DDR2: variants seen among roughly 807,000 people sequenced by gnomAD.
DDR2 encodes the protein discoidin domain-containing receptor 2.
In DDR2, 27 loss-of-function variants were observed where a neutral mutation model predicts 94.9. That is an observed-to-expected ratio of 0.28 (90% CI 0.21 to 0.39). The LOEUF is 0.39. Among genes scored for constraint, DDR2 ranks in the 10% least tolerant of loss-of-function variants. The pLI is 1.00. For synonymous variants in DDR2, 382 were observed against 377.2 expected (o/e 1.01, Z -0.15); for missense variants, 783 against 1,076.0 (o/e 0.73, Z 3.81).
chr1:162,697,979 C>T (rs1156681023), intron 2 of DDR2, among the ~76,000 whole-genome samples: 1 of 152,046 alleles, frequency 6.6e-6, no homozygotes, highest in East Asian at 1.9e-4. Context: ...CATTTCTAAC[C>T]CTAAAAATCT....
At chr1:162,635,129 C>T (rs942681387) in intron 1 of DDR2, among the ~76,000 whole-genome samples, 8 of 152,184 alleles carry the variant, frequency 5.3e-5, no homozygotes, top group African/African-American at 1.9e-4. Flanking sequence ...TGTCCAAGCA[C>T]AGGACCTTAT....
At chr1:162,703,063 G>A (rs1660502711) in intron 2 of DDR2, among the ~76,000 whole-genome samples, 1 of 152,110 alleles carries the variant, frequency 6.6e-6, no homozygotes. Context: ...ATGTGTAAAG[G>A]AAGAAGACTA....
At chr1:162,713,827 A>G (rs1661035861) in intron 2 of DDR2, among the ~76,000 whole-genome samples, 1 of 152,166 alleles carries the variant, frequency 6.6e-6, no homozygotes, top group Non-Finnish European at 1.5e-5. Context: ...TTGTGTACAC[A>G]CACAAGTCTT....
At chr1:162,682,204 G>C (rs975705149) in intron 2 of DDR2, among the ~76,000 whole-genome samples, 1 of 152,156 alleles carries the variant, frequency 6.6e-6, no homozygotes, top group African/African-American at 2.4e-5. Flanking sequence ...GGACACTGCT[G>C]CTCTGTTTGC....
chr1:162,720,573 T>C (rs1314837383), intron 3 of DDR2, among the ~76,000 whole-genome samples: 1 of 150,870 alleles, frequency 6.6e-6, no homozygotes, highest in Non-Finnish European at 1.5e-5. Flanking sequence ...ATTTGAATAA[T>C]TTCTAGTTTG....
intron 13 of DDR2, 48 bp from the exon 14 acceptor site, chr1:162,773,421 C>T (rs1255921031): frequency 6.2e-7 from 1 of 1,609,798 alleles, no homozygotes; most frequent in Admixed American, 1.7e-5. Flanking sequence ...AGTACTGAGA[C>T]ATCTTCAGGA....
chr1:162,732,006 G>C (rs1419648966), intron 3 of DDR2, among the ~76,000 whole-genome samples: 1 of 152,176 alleles, frequency 6.6e-6, no homozygotes, highest in Non-Finnish European at 1.5e-5. Flanking sequence ...AAGTTTCACT[G>C]TCTTTGTTAA....
At chr1:162,638,107 G>T (rs962569394) in intron 1 of DDR2, among the ~76,000 whole-genome samples, 12 of 152,024 alleles carry the variant, frequency 7.9e-5, no homozygotes, top group Admixed American at 7.2e-4. Context: ...TGCACCCTCT[G>T]CCTCCTGGGT....
chr1:162,737,343 A>G (rs2102073745), intron 3 of DDR2, among the ~76,000 whole-genome samples: 1 of 115,012 alleles, frequency 8.7e-6, no homozygotes, highest in East Asian at 2.5e-4. Context: ...AGAGTGTGAT[A>G]TTCCCCTTCC....
At chr1:162,685,172 T>A (rs144600600) in intron 2 of DDR2, among the ~76,000 whole-genome samples, 86 of 152,288 alleles carry the variant, frequency 5.6e-4, no homozygotes, top group African/African-American at 2.0e-3. Context: ...ATACAAAATA[T>A]ACAATATCTA....
rs1295206643 is a variant in DDR2, at chr1:162,782,052, C to A, written c.*1806C>A. 1 of 152,182 alleles carries A rather than the reference C, an allele frequency of 6.6e-6. No individual in the cohort carries two copies. Among genetic ancestry groups the A allele is most frequent in the Non-Finnish European group, 1.5e-5 (1 of 68,042 alleles). 9.4% of individuals were successfully genotyped at this position (152,182 alleles called of 1,614,324 possible). On this transcript the variant is annotated 3_prime_UTR_variant, in exon 18 of 18. Coordinates refer to ENST00000367921, the MANE Select transcript of DDR2 (RefSeq NM_006182.4). The stretch of plus-strand genomic sequence containing the variant: ...TTCTGATCCTAGCAAATGTCCTTTC[C>A]CCATAGTTGTCCTATGCCTTTGGGC...
rs1050027010 is a variant in DDR2 at position 162,781,742 on chromosome 1, G to C, written c.*1496G>C. The C allele has an allele frequency of 6.6e-6, 1 of 152,170 alleles. No individual in the cohort carries two copies. Among genetic ancestry groups the C allele is most frequent in the African/African-American group, 2.4e-5 (1 of 41,438 alleles). 9.4% of individuals were successfully genotyped at this position (152,170 alleles called of 1,614,324 possible). A position where few individuals can be genotyped will look rare whatever the true frequency, so the allele number is the denominator to read the frequency against. On this transcript the variant is annotated 3_prime_UTR_variant, in exon 18 of 18. Coordinates refer to ENST00000367921, the MANE Select transcript of DDR2 (RefSeq NM_006182.4). ...GTCAAGAAGGAATCTGCTCAGAGCA[G>C]ATTCTGAGTTTTCACACTCCACAAA...
rs1475872326 is a variant in DDR2, at chr1:162,755,158, G to A, written c.420G>A (p.Val140=). The change falls in exon 6 of 18, where the codon GTG becomes GTA. Residue 140 remains valine, a splice_region_variant and synonymous_variant. Transcript: ENST00000367921. ...ISWRNRHGKQ[V]LDGNSNPYDI... ...CTCATTCTCTTCTCTCTCCTCAGGT[G>A]CTGGATGGAAATAGTAACCCCTATG... The A allele has an allele frequency of 1.2e-6, 2 of 1,613,958 alleles. No individual in the cohort carries two copies. Among genetic ancestry groups the A allele is most frequent in the Admixed American group, 3.3e-5 (2 of 59,996 alleles).
At chr1:162,647,955 C>A (rs1204853510) in intron 1 of DDR2, among the ~76,000 whole-genome samples, 3 of 152,172 alleles carry the variant, frequency 2.0e-5, no homozygotes, top group Admixed American at 2.0e-4. Flanking sequence ...TGCCACCCAG[C>A]AGGTCTCAGT....
chr1:162,692,123 G>T (rs1203781277), intron 2 of DDR2, among the ~76,000 whole-genome samples: 2 of 152,182 alleles, frequency 1.3e-5, no homozygotes, highest in Non-Finnish European at 2.9e-5. Flanking sequence ...TTCTGCTCTA[G>T]TGAGTCCAGC....
At position 162,650,500 on chromosome 1, in the gene DDR2, G is replaced by A. The variant is rs142901161; in HGVS notation, c.-191-4711G>A. 4.7e-3 allele frequency among the ~76,000 whole-genome samples: 722 copies of A among 152,218 alleles called. 4 individuals carry two copies. Among genetic ancestry groups the A allele is most frequent in the African/African-American group, 0.016 (684 of 41,534 alleles). ...AATCTCAGCTACTCAGGAGGCTGAG[G>A]CAGGAGAATCGCTTGAACCTGGGAG... On this transcript the variant is annotated intron_variant, in intron 1 of 17. Transcript: ENST00000367921.
intron 9 of DDR2, among the ~76,000 whole-genome samples, chr1:162,763,253 A>C (rs1571306907): frequency 7.3e-6 from 1 of 136,402 alleles, no homozygotes; most frequent in Non-Finnish European, 1.5e-5. Flanking sequence ...AGTCATTGCA[A>C]CCTCCACCTC....
intron 7 of DDR2, among the ~76,000 whole-genome samples, chr1:162,757,091 G>A (rs1007184508): frequency 1.3e-5 from 2 of 152,036 alleles, no homozygotes; most frequent in Non-Finnish European, 2.9e-5. Flanking sequence ...ACTGCTCTGG[G>A]GTTCAAAGGA....
chr1:162,655,940 G>A (rs1460519179), intron 2 of DDR2, among the ~76,000 whole-genome samples: 2 of 152,142 alleles, frequency 1.3e-5, no homozygotes, highest in Admixed American at 6.5e-5. Context: ...ACCTAGCCCA[G>A]GGATACTGAT....
Sources: gnomAD v4.1 joint callset for allele counts (sites outside exome capture counted in the v4.1 genomes callset) on GRCh38, gnomAD v4.1.1 for gene constraint, MANE v1.5 for transcripts, NCBI Gene and HGNC (gene_info 2026-07-23, HGNC 2026-07-21) for gene names.